Variants in FHIP1A observed in about 807,000 individuals in gnomAD.
The protein encoded by FHIP1A is FHF complex subunit HOOK interacting protein 1A.
FHIP1A carries 61 observed loss-of-function variants against 88.6 expected under a neutral mutation model. That is an observed-to-expected ratio of 0.69 (90% CI 0.56 to 0.85). The LOEUF is 0.85. Ranked by LOEUF, FHIP1A falls within the 40% of genes least tolerant of loss-of-function variation. The pLI is 0.00. For synonymous variants in FHIP1A, 478 were observed against 496.0 expected (o/e 0.96, Z 0.48); for missense variants, 1,154 against 1,273.5 (o/e 0.91, Z 1.43).
At chr4:151,652,569 G>T (rs1160724812) in intron 11 of FHIP1A, among the ~76,000 whole-genome samples, 1 of 152,196 alleles carries the variant, frequency 6.6e-6, no homozygotes, top group African/African-American at 2.4e-5. Flanking sequence ...CAACATTAAA[G>T]GAATTCACAG....
At position 151,623,526 on chromosome 4, in the gene FHIP1A, T is replaced by G. The variant is rs865988059; in HGVS notation, c.979-6176T>G. On this transcript the variant is annotated intron_variant, in intron 7 of 13. Coordinates refer to ENST00000435205, the MANE Select transcript of FHIP1A (RefSeq NM_001109977.3). ...CTCCCGCTGACTTCCTGGTCCTTTT[T>G]TTTTTTTTTTTTTTTTCGCCTCAAT... Among the ~76,000 whole-genome samples the G allele has an allele frequency of 7.5e-3, 1,093 of 145,712 alleles. 16 individuals carry two copies. Among genetic ancestry groups the G allele is most frequent in the African/African-American group, 0.026 (1,059 of 40,210 alleles).
intron 3 of FHIP1A, among the ~76,000 whole-genome samples, chr4:151,540,268 G>C (rs1435962162): frequency 1.3e-5 from 2 of 152,144 alleles, no homozygotes; most frequent in African/African-American, 4.8e-5. Context: ...CCATCCCACA[G>C]AGCTATATTG....
chr4:151,545,907 A>G (rs17027673), intron 3 of FHIP1A, among the ~76,000 whole-genome samples: 5,162 of 152,262 alleles, frequency 0.034, 300 homozygotes, highest in African/African-American at 0.12. Context: ...AACTTTATTC[A>G]TTCAAATATT....
chr4:151,498,964 A>C (rs950461869), intron 3 of FHIP1A, among the ~76,000 whole-genome samples: 1 of 152,260 alleles, frequency 6.6e-6, no homozygotes, highest in Non-Finnish European at 1.5e-5. Context: ...GGTAAAACAC[A>C]GAAAGGCAAA....
At chr4:151,469,449 G>T (rs73861828) in intron 2 of FHIP1A, among the ~76,000 whole-genome samples, 2,705 of 152,260 alleles carry the variant, frequency 0.018, 76 homozygotes, top group African/African-American at 0.061. Flanking sequence ...AGAGCAGGAG[G>T]ATATTAGCCC....
intron 2 of FHIP1A, among the ~76,000 whole-genome samples, chr4:151,461,352 T>C (rs1729135610): frequency 6.6e-6 from 1 of 152,204 alleles, no homozygotes. Flanking sequence ...ATGGTCAGGC[T>C]TATTTTGTTG....
intron 6 of FHIP1A, 84 bp downstream of exon 6, chr4:151,586,883 T>C: frequency 2.8e-6 from 3 of 1,057,150 alleles, no homozygotes; most frequent in Middle Eastern, 2.2e-4. Flanking sequence ...AAAACGTTCA[T>C]TTTTTAAAAT....
rs1450698512 is a variant in FHIP1A, at chr4:151,666,540, C to T, written c.*3786C>T. On this transcript the variant is annotated 3_prime_UTR_variant, in exon 14 of 14. Coordinates refer to ENST00000435205, the MANE Select transcript of FHIP1A (RefSeq NM_001109977.3). ...TGGAGCCAGGGTCTTGTCAGGAAAG[C>T]ATCCTCTTATGAACAGAATCTAGAA... 1.3e-5 allele frequency among the ~76,000 whole-genome samples: 2 copies of T among 152,302 alleles called. No individual in the cohort carries two copies. Among genetic ancestry groups the T allele is most frequent in the South Asian group, 2.1e-4 (1 of 4,826 alleles).
chr4:151,466,896 A>G (rs1207205672), intron 2 of FHIP1A, among the ~76,000 whole-genome samples: 1 of 152,226 alleles, frequency 6.6e-6, no homozygotes, highest in Admixed American at 6.5e-5. Flanking sequence ...AAACCTAGGC[A>G]ATACCATTCA....
chr4:151,471,862 A>G (rs556623419), intron 2 of FHIP1A, among the ~76,000 whole-genome samples: 18 of 152,270 alleles, frequency 1.2e-4, no homozygotes, highest in Middle Eastern at 3.4e-3. Context: ...TTGAGAACAT[A>G]CAATGTTTGT....
chr4:151,596,321 A>G (rs771255979), intron 7 of FHIP1A, among the ~76,000 whole-genome samples: 2 of 152,032 alleles, frequency 1.3e-5, no homozygotes, highest in Non-Finnish European at 2.9e-5. Flanking sequence ...TGGCTTGAAA[A>G]TTCTCTTAAG....
intron 11 of FHIP1A, among the ~76,000 whole-genome samples, chr4:151,651,993 G>A (rs747669433): frequency 6.6e-6 from 1 of 152,108 alleles, no homozygotes. Flanking sequence ...GGAAGAGTTC[G>A]CTTGAAGGGA....
intron 10 of FHIP1A, among the ~76,000 whole-genome samples, chr4:151,648,065 T>A (rs1364031823): frequency 6.6e-6 from 1 of 152,202 alleles, no homozygotes; most frequent in African/African-American, 2.4e-5. Context: ...AATGCCCTAA[T>A]GGATGGGTGG....
intron 3 of FHIP1A, among the ~76,000 whole-genome samples, chr4:151,519,026 C>T (rs546085492): frequency 1.3e-5 from 2 of 152,080 alleles, no homozygotes; most frequent in South Asian, 2.1e-4. Flanking sequence ...CCTCTAAGTT[C>T]TTCAGCATAT....
At chr4:151,411,152 A>G (rs1732623058) in intron 1 of FHIP1A, among the ~76,000 whole-genome samples, 1 of 152,156 alleles carries the variant, frequency 6.6e-6, no homozygotes, top group Admixed American at 6.5e-5. Context: ...AGTCAGAGTG[A>G]TGCATTGCTG....
At chr4:151,597,636 C>T (rs1340146162) in intron 7 of FHIP1A, among the ~76,000 whole-genome samples, 1 of 152,174 alleles carries the variant, frequency 6.6e-6, no homozygotes, top group Non-Finnish European at 1.5e-5. Flanking sequence ...CATAGCTGCC[C>T]CTTTCCCCAG....
chr4:151,426,992 T>A (rs1056378585), intron 1 of FHIP1A, among the ~76,000 whole-genome samples: 1 of 152,128 alleles, frequency 6.6e-6, no homozygotes, highest in African/African-American at 2.4e-5. Flanking sequence ...TTGTGTTATA[T>A]CAGAAGTGTA....
intron 3 of FHIP1A, among the ~76,000 whole-genome samples, chr4:151,533,487 C>T (rs1731958846): frequency 6.6e-6 from 1 of 152,146 alleles, no homozygotes; most frequent in African/African-American, 2.4e-5. Flanking sequence ...ATAATTGTGA[C>T]TTCCAATTTT....
At position 151,666,112 on chromosome 4, in the gene FHIP1A, T is replaced by G. The variant is rs955377118; in HGVS notation, c.*3358T>G. The stretch of plus-strand genomic sequence containing the variant: ...TTCAAAATATATGAGAGCACTGGGA[T>G]ATTTAAAATTGATTTTTTGGAAATG... On this transcript the variant is annotated 3_prime_UTR_variant, in exon 14 of 14. Transcript: ENST00000435205. Among the ~76,000 whole-genome samples, 15 of 152,258 alleles carry G rather than the reference T, an allele frequency of 9.9e-5. No homozygotes were observed. Among genetic ancestry groups the G allele is most frequent in the African/African-American group, 3.1e-4 (13 of 41,472 alleles).
Sources: gnomAD v4.1 joint callset for allele counts (sites outside exome capture counted in the v4.1 genomes callset) on GRCh38, gnomAD v4.1.1 for gene constraint, MANE v1.5 for transcripts, NCBI Gene and HGNC (gene_info 2026-07-23, HGNC 2026-07-21) for gene names.